The following CNBD1 variants were observed in gnomAD, a reference collection of about 807,000 sequenced individuals.
The protein encoded by CNBD1 is cyclic nucleotide binding domain containing 1.
CNBD1 carries 71 observed loss-of-function variants against 54.4 expected under a neutral mutation model. The observed-to-expected ratio is 1.30, with a 90% confidence interval of 1.08 to 1.59. The LOEUF (loss-of-function observed/expected upper bound fraction) is 1.59, where lower values mean the gene tolerates loss of function less well. CNBD1 is among the 40% of genes most tolerant of loss of function. CNBD1 has a pLI of 0.00. For missense variants in CNBD1, 659 were observed against 518.0 expected (o/e 1.27, Z -2.64); for synonymous variants, 182 against 170.7 (o/e 1.07, Z -0.51).
chr8:87,228,181 T>A (rs1454614740), intron 5 of CNBD1, among the ~76,000 whole-genome samples: 1 of 150,228 alleles, frequency 6.7e-6, no homozygotes, highest in Non-Finnish European at 1.5e-5. Context: ...TTGCCTTTGG[T>A]TTGAATGTCC....
At chr8:87,398,919 A>C (rs187721495) in intron 2 of CNBD1, among the ~76,000 whole-genome samples, 1 of 152,172 alleles carries the variant, frequency 6.6e-6, no homozygotes, top group East Asian at 1.9e-4. Flanking sequence ...TTCTCCTGTG[A>C]AGAAAATTAT....
intron 2 of CNBD1, among the ~76,000 whole-genome samples, chr8:87,393,015 G>A (rs1811339987): frequency 6.6e-6 from 1 of 151,832 alleles, no homozygotes. Context: ...TTATTTAGAG[G>A]TTTTTGATGT....
intron 2 of CNBD1, among the ~76,000 whole-genome samples, chr8:87,421,296 T>A (rs900834576): frequency 1.3e-5 from 2 of 152,040 alleles, no homozygotes; most frequent in African/African-American, 2.4e-5. Context: ...TATTATACTT[T>A]AAGTTTTAGG....
At chr8:87,287,442 A>G (rs947711393) in intron 8 of CNBD1, among the ~76,000 whole-genome samples, 6 of 152,172 alleles carry the variant, frequency 3.9e-5, no homozygotes, top group Non-Finnish European at 1.5e-5. Context: ...CCAGTGAAGG[A>G]GCCAGAACTT....
intron 4 of CNBD1, among the ~76,000 whole-genome samples, chr8:87,202,070 G>A (rs568174742): frequency 6.6e-6 from 1 of 152,248 alleles, no homozygotes; most frequent in Admixed American, 6.5e-5. Context: ...AAATATATAA[G>A]CCAAGAGAAG....
chr8:87,190,401 G>T (rs756649564), intron 4 of CNBD1, among the ~76,000 whole-genome samples: 6 of 152,044 alleles, frequency 3.9e-5, no homozygotes, highest in Non-Finnish European at 2.9e-5. Flanking sequence ...TATTTTTCCA[G>T]GTTGTAAATC....
intron 4 of CNBD1, among the ~76,000 whole-genome samples, chr8:87,092,220 G>A (rs1811219684): frequency 6.6e-6 from 1 of 151,998 alleles, no homozygotes; most frequent in Non-Finnish European, 1.5e-5. Flanking sequence ...CAGTAATAGG[G>A]AAGTTCTTGC....
intron 4 of CNBD1, among the ~76,000 whole-genome samples, chr8:87,107,274 G>A (rs1323507399): frequency 6.6e-6 from 1 of 152,196 alleles, no homozygotes; most frequent in African/African-American, 2.4e-5. Flanking sequence ...GGCATATAAT[G>A]TCTCTGCTGC....
intron 4 of CNBD1, among the ~76,000 whole-genome samples, chr8:86,982,740 T>G (rs1013018457): frequency 6.6e-6 from 1 of 152,188 alleles, no homozygotes; most frequent in Non-Finnish European, 1.5e-5. Flanking sequence ...CCATCTTACC[T>G]TCTTTTCAAA....
intron 4 of CNBD1, among the ~76,000 whole-genome samples, chr8:87,088,123 A>T (rs1811138838): frequency 6.6e-6 from 1 of 152,012 alleles, no homozygotes; most frequent in South Asian, 2.1e-4. Flanking sequence ...TCTGCTTATG[A>T]ATGTAACTTT....
chr8:87,344,082 G>A (rs1013893095), intron 8 of CNBD1, among the ~76,000 whole-genome samples: 2 of 152,052 alleles, frequency 1.3e-5, no homozygotes, highest in Admixed American at 1.3e-4. Flanking sequence ...TCATAAATCA[G>A]TGGGAAAAGG....
chr8:87,396,811 C>T (rs1811415153), intron 2 of CNBD1, among the ~76,000 whole-genome samples: 1 of 150,834 alleles, frequency 6.6e-6, no homozygotes, highest in Non-Finnish European at 1.5e-5. Context: ...CACCCCCTCG[C>T]TTAAAGTATT....
intron 4 of CNBD1, among the ~76,000 whole-genome samples, chr8:87,153,594 T>G (rs551396715): frequency 6.6e-6 from 1 of 152,136 alleles, no homozygotes; most frequent in South Asian, 2.1e-4. Flanking sequence ...ATTTAATAAA[T>G]GTCACGAAAT....
chr8:87,236,968 TCAAA>T lies in CNBD1; in HGVS notation c.633_636del (p.Asn212CysfsTer5), dbSNP rs1158126641. ...TAATACTGAAAGGCCTAGCTCGACC[TCAAA>T]CAAACGTGTATAAAAATCTGATTGA... On this transcript the variant is annotated frameshift_variant, in exon 6 of 11. Transcript: ENST00000518476. LOFTEE classifies it high-confidence loss of function. 4 of 1,611,928 alleles carry T rather than the reference TCAAA, an allele frequency of 2.5e-6. No homozygotes were observed. The highest frequency in any genetic ancestry group is 1.3e-5 in the African/African-American group (1 of 74,814).
intron 8 of CNBD1, among the ~76,000 whole-genome samples, chr8:87,316,082 G>T (rs566496976): frequency 6.6e-6 from 1 of 151,954 alleles, no homozygotes; most frequent in Non-Finnish European, 1.5e-5. Flanking sequence ...TTAGCCAAAA[G>T]GCTGAGAAGT....
chr8:87,276,310 G>GA (rs1309843562), intron 6 of CNBD1, among the ~76,000 whole-genome samples: 4 of 151,730 alleles, frequency 2.6e-5, no homozygotes, highest in East Asian at 1.9e-4. Context: ...TTATTTAAGG[G>GA]AAAAAATATC....
chr8:87,415,635 G>A (rs1807822515), intron 2 of CNBD1, among the ~76,000 whole-genome samples: 2 of 151,840 alleles, frequency 1.3e-5, no homozygotes, highest in African/African-American at 2.4e-5. Flanking sequence ...CACTGGTTAA[G>A]CTTTCTTCTT....
intron 4 of CNBD1, among the ~76,000 whole-genome samples, chr8:87,115,327 T>C (rs756093566): frequency 1.2e-4 from 19 of 152,214 alleles, no homozygotes; most frequent in Admixed American, 9.2e-4. Context: ...CGAACAGTAA[T>C]GTGAATTTTT....
intron 6 of CNBD1, among the ~76,000 whole-genome samples, chr8:87,250,664 T>C: frequency 6.6e-6 from 1 of 152,168 alleles, no homozygotes; most frequent in East Asian, 1.9e-4. Flanking sequence ...AATCCTATCA[T>C]TTACAACAAC....
Sources: allele counts gnomAD v4.1 joint callset (sites outside exome capture counted in the v4.1 genomes callset), GRCh38; gene constraint gnomAD v4.1.1; transcripts MANE v1.5; gene names NCBI Gene and HGNC (gene_info 2026-07-23, HGNC 2026-07-21).